Variants in TENM3 observed in about 807,000 individuals in gnomAD.
The protein encoded by TENM3 is teneurin-3.
In TENM3, 63 loss-of-function variants were observed where a neutral mutation model predicts 255.1. That is an observed-to-expected ratio of 0.25 (90% confidence interval 0.20 to 0.30). TENM3 has a LOEUF of 0.30. Among genes scored for constraint, TENM3 ranks in the 10% least tolerant of loss-of-function variants. TENM3 has a pLI of 1.00. For synonymous variants in TENM3, 1,306 were observed against 1,322.3 expected (o/e 0.99, Z 0.27); for missense variants, 2,929 against 3,461.1 (o/e 0.85, Z 3.86).
At chr4:182,089,941 T>C in the TENM3 span, among the ~76,000 whole-genome samples, 2 of 152,238 alleles carry the variant, frequency 1.3e-5, no homozygotes, top group South Asian at 2.1e-4. Context: ...TTTAATACTT[T>C]ATATATGCTA....
At chr4:182,288,373 C>T (rs1760889095) in intron 1 of TENM3, among the ~76,000 whole-genome samples, 2 of 152,298 alleles carry the variant, frequency 1.3e-5, no homozygotes, top group South Asian at 4.1e-4. Flanking sequence ...ACCTCCTTTT[C>T]TTTTTTATTT....
chr4:182,196,780 A>T lies in TENM3; in HGVS notation c.-76+52026A>T, dbSNP rs1216430106. 2.6e-5 allele frequency among the ~76,000 whole-genome samples: 4 copies of T among 152,218 alleles called. No homozygotes were observed. The East Asian group carries it at 7.7e-4, about 29-fold the overall frequency. On this transcript the variant is annotated intron_variant, in intron 1 of 2. Transcript: ENST00000512480. ...CATTTTCTACACATTTGAAAGGAAC[A>T]TACCCTGATGTTTTTAAAACAGTCA...
chr4:181,725,236 C>T, the TENM3 span, among the ~76,000 whole-genome samples: 1 of 152,262 alleles, frequency 6.6e-6, no homozygotes, highest in African/African-American at 2.4e-5. Context: ...TCTCACTCTT[C>T]CTATCCTTGT....
the TENM3 span, among the ~76,000 whole-genome samples, chr4:181,995,235 A>C: frequency 6.6e-6 from 1 of 152,028 alleles, no homozygotes; most frequent in Non-Finnish European, 1.5e-5. Context: ...GGTTGCAGTG[A>C]GCTAAGATCG....
At chr4:182,074,417 T>C in the TENM3 span, among the ~76,000 whole-genome samples, 4 of 152,250 alleles carry the variant, frequency 2.6e-5, no homozygotes, top group Non-Finnish European at 2.9e-5. Flanking sequence ...TCAAAACGCA[T>C]TGAAACCTAT....
At chr4:182,047,913 A>G in the TENM3 span, among the ~76,000 whole-genome samples, 1 of 152,142 alleles carries the variant, frequency 6.6e-6, no homozygotes, top group African/African-American at 2.4e-5. Context: ...ACCTGACTAT[A>G]TAAGAAATGT....
chr4:181,600,183 G>C, the TENM3 span, among the ~76,000 whole-genome samples: 1 of 152,172 alleles, frequency 6.6e-6, no homozygotes, highest in Non-Finnish European at 1.5e-5. Context: ...TTTCACTGCT[G>C]TGTAATATAC....
intron 1 of TENM3, among the ~76,000 whole-genome samples, chr4:182,306,542 A>G (rs1366133756): frequency 6.6e-6 from 1 of 152,226 alleles, no homozygotes; most frequent in East Asian, 1.9e-4. Flanking sequence ...ATGTTTTAAT[A>G]GGAAATTTCA....
intron 3 of TENM3, among the ~76,000 whole-genome samples, chr4:182,483,600 A>G (rs774191875): frequency 5.3e-5 from 8 of 152,236 alleles, no homozygotes; most frequent in Non-Finnish European, 7.3e-5. Context: ...CTAGGAAGGT[A>G]TAGCAATATA....
chr4:181,641,554 G>GTATATATATATATATA, the TENM3 span, among the ~76,000 whole-genome samples: 21 of 26,890 alleles, frequency 7.8e-4, no homozygotes, highest in South Asian at 1.0e-3. Context: ...TGGTGTGTGT[G>GTATATATATATATATA]TATATATATA....
chr4:181,927,655 C>T, the TENM3 span, among the ~76,000 whole-genome samples: 3 of 152,236 alleles, frequency 2.0e-5, 1 homozygote, highest in South Asian at 4.1e-4. Context: ...GCTCTCTCAG[C>T]ACAGTGCTCC....
the TENM3 span, among the ~76,000 whole-genome samples, chr4:181,489,502 C>A: frequency 1.3e-5 from 2 of 152,126 alleles, no homozygotes; most frequent in African/African-American, 2.4e-5. Flanking sequence ...TAGCCATATT[C>A]CTAGTTCAGG....
Position 182,784,332 on chromosome 4 carries a change from C to T in TENM3, c.5305-4761C>T, listed in dbSNP as rs866409479. 2.0e-3 allele frequency among the ~76,000 whole-genome samples: 299 copies of T among 151,652 alleles called. 6 individuals carry two copies. In the South Asian group the frequency reaches 0.034, roughly 17 times the overall value. ...CCTGCCGTGTGAGGTGTCAGTGTGC[C>T]CCTGCTGGGGGGTGCCTCCCAGTTA... is the stretch of plus-strand genomic sequence containing the variant. On this transcript the variant is annotated intron_variant, in intron 24 of 27. Coordinates refer to ENST00000511685, the MANE Select transcript of TENM3 (RefSeq NM_001080477.4).
chr4:182,421,932 T>G (rs1364792088), intron 3 of TENM3, among the ~76,000 whole-genome samples: 1 of 152,128 alleles, frequency 6.6e-6, no homozygotes, highest in East Asian at 1.9e-4. Flanking sequence ...GAAGGTCAAG[T>G]CCCGGGGCCA....
At chr4:181,745,582 G>A in the TENM3 span, among the ~76,000 whole-genome samples, 1 of 152,166 alleles carries the variant, frequency 6.6e-6, no homozygotes, top group African/African-American at 2.4e-5. Flanking sequence ...ACTGCAGGCT[G>A]AGCCATTGCA....
At chr4:181,484,830 A>G in the TENM3 span, among the ~76,000 whole-genome samples, 10 of 152,152 alleles carry the variant, frequency 6.6e-5, no homozygotes, top group Non-Finnish European at 1.5e-4. Context: ...TACCCTGCCT[A>G]ATTTTATGTA....
At chr4:182,568,154 A>G (rs1030950719) in intron 3 of TENM3, among the ~76,000 whole-genome samples, 12 of 152,324 alleles carry the variant, frequency 7.9e-5, no homozygotes, top group African/African-American at 2.9e-4. Flanking sequence ...CCTACCTTCA[A>G]GCTGTACTGC....
chr4:181,967,309 C>T, the TENM3 span, among the ~76,000 whole-genome samples: 1 of 152,092 alleles, frequency 6.6e-6, no homozygotes, highest in Admixed American at 6.6e-5. Flanking sequence ...TCTGTAACCC[C>T]CAGCTTACTC....
At chr4:182,309,609 G>A (rs907883077) in intron 1 of TENM3, among the ~76,000 whole-genome samples, 2 of 152,114 alleles carry the variant, frequency 1.3e-5, no homozygotes, top group Non-Finnish European at 2.9e-5. Context: ...TGAAATTATT[G>A]GTGTGGGAAC....
Sources: allele counts gnomAD v4.1 joint callset (sites outside exome capture counted in the v4.1 genomes callset), GRCh38; gene constraint gnomAD v4.1.1; transcripts MANE v1.5; gene names NCBI Gene and HGNC (gene_info 2026-07-23, HGNC 2026-07-21).